Variants in FUT8 observed in about 807,000 individuals in gnomAD.
FUT8 encodes the protein alpha-(1,6)-fucosyltransferase.
A neutral mutation model predicts 71.3 loss-of-function variants in FUT8; 29 were observed. The observed-to-expected ratio is 0.41, with a 90% CI of 0.30 to 0.55. FUT8 has a LOEUF of 0.55. FUT8 is among the 20% of genes least tolerant of loss of function. The pLI, the probability that FUT8 is intolerant of heterozygous loss-of-function variation, is 0.34. For missense variants in FUT8, 544 were observed against 702.1 expected (o/e 0.77, Z 2.55); for synonymous variants, 254 against 239.3 (o/e 1.06, Z -0.57).
Position 65,488,173 on chromosome 14 carries a change from G to A in FUT8, c.-228+32455G>A, listed in dbSNP as rs76435503. The A allele has an allele frequency of 5.8e-3, 878 of 152,332 alleles. 34 individuals are homozygous for A. The East Asian group carries it at 0.093, about 16-fold the overall frequency. The allele number at this position is 152,332 out of a possible 1,614,324, so 9.4% of individuals were successfully genotyped here. A position where few individuals can be genotyped will look rare whatever the true frequency, so the allele number is the denominator to read the frequency against. On this transcript the variant is annotated intron_variant, in intron 2 of 10. Transcript: ENST00000673929. ...TAGGTGCTCTGTAGTAGAGGAAACAGTAATATATGATAATGAAAAGCTTCA... is the reference window on the plus strand; with the variant it reads ...TAGGTGCTCTGTAGTAGAGGAAACAATAATATATGATAATGAAAAGCTTCA...
At chr14:65,688,323 C>G (rs1893401863) in intron 7 of FUT8, among the ~76,000 whole-genome samples, 1 of 151,968 alleles carries the variant, frequency 6.6e-6, no homozygotes, top group African/African-American at 2.4e-5. Flanking sequence ...TTCCAGATGT[C>G]ATATAGTTGG....
rs73268592 is a variant in FUT8, at chr14:65,703,203, C to A, written c.836-18572C>A. Among the ~76,000 whole-genome samples the A allele has an allele frequency of 8.9e-3, 1,361 of 152,312 alleles. 20 individuals are homozygous for A. Among genetic ancestry groups the A allele is most frequent in the African/African-American group, 0.031 (1,298 of 41,562 alleles). ...AGAAACATAATGTCAAGTATCAAAT[C>A]TGTACAAAGCATTGTCTTTTAAAGC... On this transcript the variant is annotated intron_variant, in intron 7 of 10. Transcript: ENST00000673929.
chr14:65,735,158 A>G (rs956582), intron 10 of FUT8, among the ~76,000 whole-genome samples: 15,523 of 152,086 alleles, frequency 0.1, 1,011 homozygotes, highest in African/African-American at 0.17. Flanking sequence ...TCTTCTCCCA[A>G]TCCTCCTTAG....
intron 2 of FUT8, among the ~76,000 whole-genome samples, chr14:65,532,370 T>C (rs8022080): frequency 0.67 from 102,333 of 152,092 alleles, 34,591 homozygotes; most frequent in East Asian, 0.77. Flanking sequence ...CTTTAATGAT[T>C]AGTGATGTTG....
At position 65,665,895 on chromosome 14, in the gene FUT8, A is replaced by G. The variant is rs965705947; in HGVS notation, c.598-3348A>G. Among the ~76,000 whole-genome samples the G allele has an allele frequency of 2.0e-5, 3 of 152,244 alleles. No individual in the cohort carries two copies. In the East Asian group the frequency reaches 5.8e-4, roughly 29 times the overall value. ...GGAGCTAAATGAAGAGAACACATGGACACAGATGGGCACCACAGACACTGG... is the reference window on the plus strand; with the variant it reads ...GGAGCTAAATGAAGAGAACACATGGGCACAGATGGGCACCACAGACACTGG... On this transcript the variant is annotated intron_variant, in intron 6 of 10. Coordinates refer to ENST00000673929, the MANE Select transcript of FUT8 (RefSeq NM_001371533.1).
At chr14:65,711,108 G>A (rs945691028) in intron 7 of FUT8, among the ~76,000 whole-genome samples, 1 of 152,140 alleles carries the variant, frequency 6.6e-6, no homozygotes, top group African/African-American at 2.4e-5. Flanking sequence ...CCAACACTGG[G>A]AATCTAATTT....
chr14:65,551,968 T>C (rs1885313587), intron 2 of FUT8, among the ~76,000 whole-genome samples: 1 of 152,186 alleles, frequency 6.6e-6, no homozygotes, highest in Non-Finnish European at 1.5e-5. Flanking sequence ...AATGATCATC[T>C]GTTTATATAT....
the FUT8 span, among the ~76,000 whole-genome samples, chr14:65,390,447 C>G: frequency 6.6e-6 from 1 of 151,296 alleles, no homozygotes; most frequent in Non-Finnish European, 1.5e-5. Flanking sequence ...GTTCACTTTT[C>G]CTTTTATGCC....
At chr14:65,447,137 AC>A (rs1203793747) in intron 1 of FUT8, among the ~76,000 whole-genome samples, 1 of 152,070 alleles carries the variant, frequency 6.6e-6, no homozygotes, top group Non-Finnish European at 1.5e-5. Flanking sequence ...TACTAAAAAT[AC>A]AAAAAATTAG....
chr14:65,461,870 T>G (rs970126848), intron 2 of FUT8, among the ~76,000 whole-genome samples: 36 of 152,268 alleles, frequency 2.4e-4, no homozygotes, highest in African/African-American at 8.4e-4. Flanking sequence ...ACATAGATTT[T>G]AACAATGTGT....
At position 65,561,500 on chromosome 14, in the gene FUT8, G is replaced by A; in HGVS notation, c.-64G>A. 6.7e-7 allele frequency: 1 copy of A among 1,486,666 alleles called. No individual in the cohort carries two copies. Among genetic ancestry groups the A allele is most frequent in the South Asian group, 1.2e-5 (1 of 86,546 alleles). 92.1% of individuals were successfully genotyped at this position (1,486,666 alleles called of 1,614,324 possible). A position where few individuals can be genotyped will look rare whatever the true frequency, so the allele number is the denominator to read the frequency against. On this transcript the variant is annotated 5_prime_UTR_variant, in exon 3 of 11. Coordinates refer to ENST00000673929, the MANE Select transcript of FUT8 (RefSeq NM_001371533.1). Reference sequence around the variant, plus strand: ...TTCACCTGTGCACTAACTAGAAACAGAGTTACAATGTTTTCAATTCTTTGA... The same window carrying A: ...TTCACCTGTGCACTAACTAGAAACAAAGTTACAATGTTTTCAATTCTTTGA...
At position 65,603,661 on chromosome 14, in the gene FUT8, A is replaced by G. The variant is rs558931699; in HGVS notation, c.204-12317A>G. On this transcript the variant is annotated intron_variant, in intron 3 of 10. Transcript: ENST00000673929. This position sits in a 1 kb window ranked among gnomAD's most constrained non-coding sequence, Gnocchi z 4.5. ...TCTTGGTTAATCTTGCTAATGCTCT[A>G]TCAATTTTATTTATCTTTTCAAAAG... 6.6e-6 allele frequency among the ~76,000 whole-genome samples: 1 copy of G among 151,866 alleles called. No homozygotes were observed. The highest frequency in any genetic ancestry group is 1.9e-4 in the East Asian group (1 of 5,188).
At chr14:65,667,946 A>C (rs1892296434) in intron 6 of FUT8, among the ~76,000 whole-genome samples, 2 of 152,178 alleles carry the variant, frequency 1.3e-5, no homozygotes, top group Non-Finnish European at 2.9e-5. Flanking sequence ...AATCTTTGAC[A>C]AAGCTGACAA....
intron 3 of FUT8, among the ~76,000 whole-genome samples, chr14:65,564,268 T>G (rs1299780521): frequency 2.0e-5 from 3 of 152,072 alleles, no homozygotes; most frequent in African/African-American, 7.2e-5. Flanking sequence ...TTCAGATGTT[T>G]ATAACTAGGT....
chr14:65,686,304 A>G (rs111495373), intron 7 of FUT8, among the ~76,000 whole-genome samples: 14 of 152,336 alleles, frequency 9.2e-5, no homozygotes, highest in African/African-American at 3.4e-4. Context: ...TTTTAAATTT[A>G]TTCTTATCAT....
intron 2 of FUT8, among the ~76,000 whole-genome samples, chr14:65,487,655 C>T (rs1335552865): frequency 1.3e-5 from 2 of 151,744 alleles, no homozygotes; most frequent in Non-Finnish European, 2.9e-5. Context: ...CTTGTCTCCC[C>T]CAGTTCCAGC....
intron 2 of FUT8, among the ~76,000 whole-genome samples, chr14:65,506,707 G>T (rs537983960): frequency 6.6e-6 from 1 of 152,096 alleles, no homozygotes; most frequent in African/African-American, 2.4e-5. Context: ...TGACACAGGC[G>T]TGCAATGTGT....
In FUT8 at chr14:65,551,366, A is replaced by G. The variant is rs568276144; in HGVS notation, c.-227-9971A>G. On this transcript the variant is annotated intron_variant, in intron 2 of 10. Coordinates refer to ENST00000673929, the MANE Select transcript of FUT8 (RefSeq NM_001371533.1). Reference sequence around the variant, plus strand: ...TTATGTCTAATGGAATAATTGAGCTATATCTATCTTTAGGAAATGTAGGAG... The same window carrying G: ...TTATGTCTAATGGAATAATTGAGCTGTATCTATCTTTAGGAAATGTAGGAG... Among the ~76,000 whole-genome samples the G allele has an allele frequency of 2.2e-4, 33 of 152,322 alleles. No homozygotes were observed. The South Asian group carries it at 6.4e-3, about 30-fold the overall frequency.
At chr14:65,374,761 A>ATT in the FUT8 span, among the ~76,000 whole-genome samples, 14,502 of 148,140 alleles carry the variant, frequency 0.098, 917 homozygotes, top group Non-Finnish European at 0.15. Flanking sequence ...CGCCTGGCTA[A>ATT]TTTTTTTTTT....
Sources: gnomAD v4.1 joint callset for allele counts (sites outside exome capture counted in the v4.1 genomes callset) on GRCh38, gnomAD v4.1.1 for gene constraint, Gnocchi (gnomAD v3.1) non-coding constraint, MANE v1.5 for transcripts, NCBI Gene and HGNC (gene_info 2026-07-23, HGNC 2026-07-21) for gene names.